Variants in ZNF717 observed in about 807,000 individuals in gnomAD.
The protein encoded by ZNF717 is krueppel-like factor X17.
In ZNF717, 9 loss-of-function variants were observed where a neutral mutation model predicts 13.8. The ratio of observed to expected loss-of-function variants is 0.65; its 90% CI spans 0.39 to 1.14. The LOEUF is 1.14. ZNF717 is among the 50% of genes most tolerant of loss of function. The pLI, the probability that ZNF717 is intolerant of heterozygous loss-of-function variation, is 0.01. For synonymous variants in ZNF717, 327 were observed against 364.1 expected (o/e 0.90, Z 1.16); for missense variants, 1,040 against 1,080.7 (o/e 0.96, Z 0.53).
At chr3:75,755,301 T>C (rs1194560837) in intron 2 of ZNF717, among the ~76,000 whole-genome samples, 1 of 152,258 alleles carries the variant, frequency 6.6e-6, no homozygotes, top group Non-Finnish European at 1.5e-5. Context: ...AAAACTTATG[T>C]ATTTATTCTT....
intron 2 of ZNF717, among the ~76,000 whole-genome samples, chr3:75,758,744 T>C (rs1410371156): frequency 1.3e-5 from 2 of 152,018 alleles, no homozygotes; most frequent in Non-Finnish European, 2.9e-5. Flanking sequence ...CCAGGTGCAG[T>C]GGTTCACCCC....
intron 4 of ZNF717, among the ~76,000 whole-genome samples, chr3:75,723,303 G>A (rs1198978167): frequency 2.3e-5 from 3 of 130,960 alleles, no homozygotes; most frequent in Non-Finnish European, 4.6e-5. Context: ...AGGCTGGAGT[G>A]CAGTGGTGCA....
intron 2 of ZNF717, among the ~76,000 whole-genome samples, chr3:75,754,466 T>C (rs1230165787): frequency 6.6e-6 from 1 of 152,128 alleles, no homozygotes; most frequent in East Asian, 1.9e-4. Flanking sequence ...AGGGCTCTAA[T>C]GAATGAACTA....
At chr3:75,697,027 C>G (rs1452304957) in intron 6 of ZNF717, among the ~76,000 whole-genome samples, 1 of 152,300 alleles carries the variant, frequency 6.6e-6, no homozygotes, top group Non-Finnish European at 1.5e-5. Flanking sequence ...AATGAACATA[C>G]CTCAACATAA....
intron 2 of ZNF717, among the ~76,000 whole-genome samples, chr3:75,761,232 C>T (rs1467001055): frequency 6.6e-6 from 1 of 152,224 alleles, no homozygotes; most frequent in African/African-American, 2.4e-5. Flanking sequence ...AATGCCAATG[C>T]TCTGCAAAAT....
downstream of ZNF717, among the ~76,000 whole-genome samples, chr3:75,727,339 A>G (rs1938305982): frequency 6.6e-6 from 1 of 152,254 alleles, no homozygotes; most frequent in Non-Finnish European, 1.5e-5. Flanking sequence ...TTTTCAGGGA[A>G]TGAGGGAAGA....
chr3:75,735,359 AG>A (rs1193384052), downstream of ZNF717, among the ~76,000 whole-genome samples: 2 of 151,878 alleles, frequency 1.3e-5, no homozygotes, highest in African/African-American at 4.8e-5. Flanking sequence ...AAATGCTAAA[AG>A]AGAAAACAGG....
intron 2 of ZNF717, among the ~76,000 whole-genome samples, chr3:75,761,950 A>G (rs994727047): frequency 6.6e-6 from 1 of 152,222 alleles, no homozygotes; most frequent in African/African-American, 2.4e-5. Context: ...GCTGCTTGGG[A>G]GGCTGAGGCA....
At chr3:75,698,883 AAGCCAGAGGCACACAATACC>A (rs1937634424) in intron 6 of ZNF717, among the ~76,000 whole-genome samples, 2 of 152,412 alleles carry the variant, frequency 1.3e-5, no homozygotes, top group African/African-American at 2.4e-5. Context: ...GCACCTGGAA[AAGCCAGAGGCACACAATACC>A]AGCCAGAGGT....
chr3:75,784,941 T>A (rs551423323), intron 1 of ZNF717: 28 of 152,334 alleles, frequency 1.8e-4, no homozygotes, highest in African/African-American at 6.7e-4. Flanking sequence ...CATCATCCAG[T>A]ACCCCATCTC....
intron 5 of ZNF717, among the ~76,000 whole-genome samples, chr3:75,713,342 G>A (rs144570211): frequency 6.6e-6 from 1 of 151,486 alleles, no homozygotes; most frequent in Non-Finnish European, 1.5e-5. Context: ...GTAGAGATGG[G>A]GTTTTACCAT....
At chr3:75,759,650 C>A (rs1299034703) in intron 2 of ZNF717, among the ~76,000 whole-genome samples, 1 of 151,960 alleles carries the variant, frequency 6.6e-6, no homozygotes, top group Non-Finnish European at 1.5e-5. Context: ...CTCACTGCAA[C>A]CTCTGCCTCC....
chr3:75,709,003 TTTTC>T (rs1229856812), downstream of ZNF717, among the ~76,000 whole-genome samples: 8 of 60,968 alleles, frequency 1.3e-4, no homozygotes, highest in South Asian at 9.7e-4. Flanking sequence ...TTTCTTTTTC[TTTTC>T]TTTTTTTTTT....
In ZNF717 at chr3:75,736,911, A is replaced by G; in HGVS notation, c.2712T>C (p.Tyr904=). The G allele has an allele frequency of 6.4e-7, 1 of 1,555,908 alleles. No individual in the cohort carries two copies. Among genetic ancestry groups the G allele is most frequent in the East Asian group, 2.4e-5 (1 of 41,088 alleles). Residue 904 remains tyrosine, a synonymous_variant, in exon 5 of 5, where the codon TAT becomes TAC. Transcript: ENST00000652011. ...AAAAAGAGTGATTTTGAGGGAACAC[A>G]TAGCCTGCCTCAGCTACGTCAGATT... The part of the protein sequence containing the change: ...GEKSDVAEAG[Y]VFPQNHSFFP
chr3:75,699,132 T>A (rs1442338113), intron 6 of ZNF717, among the ~76,000 whole-genome samples: 2 of 152,412 alleles, frequency 1.3e-5, no homozygotes, highest in African/African-American at 4.8e-5. Context: ...TAGAATAGGA[T>A]TATTTACCCA....
At chr3:75,783,748 G>T (rs1415204254) in intron 1 of ZNF717, among the ~76,000 whole-genome samples, 2 of 152,174 alleles carry the variant, frequency 1.3e-5, no homozygotes, top group African/African-American at 4.8e-5. Context: ...CTATTAATAT[G>T]TGGATTCCAC....
intron 6 of ZNF717, among the ~76,000 whole-genome samples, chr3:75,700,400 A>AG (rs1937668268): frequency 6.6e-6 from 1 of 152,292 alleles, no homozygotes; most frequent in Admixed American, 6.5e-5. Context: ...CGAAAAAAAA[A>AG]AAAAAGACAT....
At position 75,704,426 on chromosome 3, in the gene ZNF717, G is replaced by A. The variant is rs1158961530; in HGVS notation, n.1085+6761C>T. ...ACACAGAATCAATCAGCTGGCAAGT[G>A]GGCCATCTTTTAGAGTCGTGAAGCC... On this transcript the variant is annotated intron_variant and non_coding_transcript_variant, in intron 6 of 6. Coordinates refer to the ZNF717 transcript ENST00000648506. Among the ~76,000 whole-genome samples, 120 of 152,268 alleles carry A rather than the reference G, an allele frequency of 7.9e-4. 1 individual carries two copies. The highest frequency in any genetic ancestry group is 2.7e-3 in the African/African-American group (111 of 41,462).
intron 2 of ZNF717, 124 bp downstream of exon 2, chr3:75,783,182 T>C (rs1409760955): frequency 1.3e-6 from 1 of 758,412 alleles, no homozygotes; most frequent in Non-Finnish European, 2.3e-6. Flanking sequence ...AGCTTTATCT[T>C]ATTTATGTAT....
Sources: gnomAD v4.1 joint callset for allele counts (sites outside exome capture counted in the v4.1 genomes callset) on GRCh38, gnomAD v4.1.1 for gene constraint, MANE v1.5 for transcripts, NCBI Gene and HGNC (gene_info 2026-07-23, HGNC 2026-07-21) for gene names.